The following MTA3 variants were observed in gnomAD, a reference collection of about 807,000 sequenced individuals.
The protein encoded by MTA3 is metastasis associated 1 family member 3, also known as metastasis-associated protein MTA3.
A neutral mutation model predicts 83.5 loss-of-function variants in MTA3; 34 were observed. The ratio of observed to expected loss-of-function variants is 0.41; its 90% CI spans 0.31 to 0.54. MTA3 has a LOEUF of 0.54. MTA3 is among the 20% of genes least tolerant of loss of function. The pLI is 0.33. For synonymous variants in MTA3, 303 were observed against 252.7 expected (o/e 1.20, Z -1.89); for missense variants, 761 against 726.4 (o/e 1.05, Z -0.55).
intron 2 of MTA3, among the ~76,000 whole-genome samples, chr2:42,535,522 C>A (rs984259024): frequency 7.2e-5 from 11 of 152,190 alleles, no homozygotes; most frequent in Non-Finnish European, 1.3e-4. Context: ...CCACTGCACC[C>A]AACTCCCTTC....
intron 10 of MTA3, among the ~76,000 whole-genome samples, chr2:42,696,198 A>G (rs1450293578): frequency 1.3e-5 from 2 of 152,200 alleles, no homozygotes; most frequent in Non-Finnish European, 2.9e-5. Context: ...ATTTAGACCA[A>G]TGTCATCAGC....
intron 10 of MTA3, 66 bp downstream of exon 10, chr2:42,695,905 A>G (rs759693721): frequency 1.8e-6 from 2 of 1,135,480 alleles, no homozygotes; most frequent in Non-Finnish European, 2.5e-6. Flanking sequence ...ATATTTTAAT[A>G]TTTTTTGGCG....
intron 3 of MTA3, among the ~76,000 whole-genome samples, chr2:42,581,011 C>G (rs1679556031): frequency 6.6e-6 from 1 of 152,146 alleles, no homozygotes; most frequent in Non-Finnish European, 1.5e-5. Context: ...GCTTGAGAGT[C>G]GTTGCCCACT....
intron 2 of MTA3, among the ~76,000 whole-genome samples, chr2:42,502,797 C>CAAAAAA (rs3039405): frequency 2.3e-5 from 2 of 85,350 alleles, no homozygotes; most frequent in Non-Finnish European, 2.2e-5. Flanking sequence ...AACTCTGTCT[C>CAAAAAA]AAAAAAAAAA....
At chr2:42,569,611 A>G (rs1233544589) in intron 1 of MTA3, 1 of 152,190 alleles carries the variant, frequency 6.6e-6, no homozygotes, top group Non-Finnish European at 1.5e-5. Context: ...CACTTTGCAG[A>G]AGAGAGCGGC....
chr2:42,705,023 C>T (rs555302818), intron 12 of MTA3, among the ~76,000 whole-genome samples: 59 of 152,166 alleles, frequency 3.9e-4, no homozygotes, highest in African/African-American at 1.4e-3. Context: ...GGGAAGGAAA[C>T]GAATGTTTAT....
intron 1 of MTA3, 74 bp downstream of exon 1, chr2:42,568,847 C>T: frequency 8.3e-7 from 1 of 1,202,342 alleles, no homozygotes; most frequent in Non-Finnish European, 1.0e-6. Flanking sequence ...GAGTGCACGC[C>T]AACTGCCGGG....
chr2:42,661,129 C>A (rs1419434431), intron 8 of MTA3, among the ~76,000 whole-genome samples: 1 of 152,088 alleles, frequency 6.6e-6, no homozygotes, highest in African/African-American at 2.4e-5. Flanking sequence ...AATATTTTAC[C>A]CCAAATTTTA....
Position 42,611,102 on chromosome 2 carries a change from C to T in MTA3, c.317+1518C>T, listed in dbSNP as rs975269871. Among the ~76,000 whole-genome samples the T allele has an allele frequency of 8.6e-5, 13 of 151,928 alleles. No individual in the cohort carries two copies. The South Asian group carries it at 2.7e-3, about 32-fold the overall frequency. ...GTTCACGCAGTTCTCCTGCCTCAGC[C>T]TTCCGAGTAGCTGGGATTACAGGCA... On this transcript the variant is annotated intron_variant, in intron 4 of 16. Transcript: ENST00000405094.
At chr2:42,520,725 C>G (rs917161493) in intron 2 of MTA3, among the ~76,000 whole-genome samples, 1 of 152,120 alleles carries the variant, frequency 6.6e-6, no homozygotes, top group Middle Eastern at 3.4e-3. Context: ...ACCACCACAC[C>G]GGGCTAATTT....
rs191692609 is a variant in MTA3, at chr2:42,628,099, G to C, written c.318-12074G>C. Among the ~76,000 whole-genome samples, 145 of 152,044 alleles carry C rather than the reference G, an allele frequency of 9.5e-4. 2 individuals carry two copies. Among genetic ancestry groups the C allele is most frequent in the African/African-American group, 3.4e-3 (140 of 41,472 alleles). ...AGGTTTCACCATGTTGGCCAGGCTG[G>C]TCTTGAACGCCTGACTTTGTGATCC... is the stretch of plus-strand genomic sequence containing the variant. On this transcript the variant is annotated intron_variant, in intron 4 of 16. Transcript: ENST00000405094.
chr2:42,644,790 C>A (rs1422624192), intron 6 of MTA3, among the ~76,000 whole-genome samples: 1 of 151,974 alleles, frequency 6.6e-6, no homozygotes, highest in Non-Finnish European at 1.5e-5. Context: ...TTTTTGGGGC[C>A]ACGAACCGTA....
Position 42,756,833 on chromosome 2 carries a change from T to C in MTA3, c.*3434T>C. On this transcript the variant is annotated 3_prime_UTR_variant, in exon 17 of 17. Transcript: ENST00000405094. ...GCACGCACCTGTGCTCATGAGTGTT[T>C]CCGCAGGATAATTCGTTCTGAGCAT... 1.0e-6 allele frequency: 1 copy of C among 985,446 alleles called. No individual in the cohort carries two copies. Among genetic ancestry groups the C allele is most frequent in the Non-Finnish European group, 1.2e-6 (1 of 829,940 alleles). 61.0% of individuals were successfully genotyped at this position (985,446 alleles called of 1,614,324 possible).
At position 42,697,775 on chromosome 2, in the gene MTA3, G is replaced by T. The variant is rs1012588401; in HGVS notation, c.967-1G>T. The stretch of plus-strand genomic sequence containing the variant: ...AATGTTTTATTCATCTTTTGAATTA[G>T]AAACGTCTAAAAGCAGCAGAAGCTG... On this transcript the variant is annotated splice_acceptor_variant, in intron 10 of 16. Coordinates refer to ENST00000405094, the MANE Select transcript of MTA3 (RefSeq NM_001330442.2). LOFTEE classifies it high-confidence loss of function. 1 of 1,536,866 alleles carries T rather than the reference G, an allele frequency of 6.5e-7. No homozygotes were observed. Among genetic ancestry groups the T allele is most frequent in the Non-Finnish European group, 8.8e-7 (1 of 1,141,694 alleles).
At chr2:42,605,986 CT>C (rs562986696) in intron 3 of MTA3, among the ~76,000 whole-genome samples, 880 of 990 alleles carry the variant, frequency 0.89, 436 homozygotes, top group Non-Finnish European at 0.94. Flanking sequence ...CCCCACCTCC[CT>C]TCCCGGACGG....
chr2:42,627,452 C>G (rs1451118361), intron 4 of MTA3, among the ~76,000 whole-genome samples: 1 of 152,162 alleles, frequency 6.6e-6, no homozygotes, highest in Non-Finnish European at 1.5e-5. Flanking sequence ...CAGATGTGCT[C>G]TTCTTAGTCT....
At chr2:42,676,287 TC>T (rs1691345740) in intron 8 of MTA3, among the ~76,000 whole-genome samples, 1 of 152,220 alleles carries the variant, frequency 6.6e-6, no homozygotes, top group Non-Finnish European at 1.5e-5. Context: ...CTACTTCAGT[TC>T]TTTGAAGCCC....
intron 16 of MTA3, among the ~76,000 whole-genome samples, chr2:42,750,965 C>A (rs1669834232): frequency 6.6e-6 from 1 of 152,192 alleles, no homozygotes; most frequent in South Asian, 2.1e-4. Flanking sequence ...TTTCATGAGC[C>A]TTTGGGGTTC....
chr2:42,624,265 A>AT (rs1195456021), intron 4 of MTA3, among the ~76,000 whole-genome samples: 2 of 151,806 alleles, frequency 1.3e-5, no homozygotes, highest in Non-Finnish European at 2.9e-5. Context: ...TTATTTTTGG[A>AT]TTTTTATTAA....
Sources: allele counts gnomAD v4.1 joint callset (sites outside exome capture counted in the v4.1 genomes callset), GRCh38; gene constraint gnomAD v4.1.1; transcripts MANE v1.5; gene names NCBI Gene and HGNC (gene_info 2026-07-23, HGNC 2026-07-21).